The following PLCH2 variants were observed in gnomAD, a reference collection of about 807,000 sequenced individuals.
The protein encoded by PLCH2 is 1-phosphatidylinositol 4,5-bisphosphate phosphodiesterase eta-2.
A neutral mutation model predicts 134.7 loss-of-function variants in PLCH2; 98 were observed. The observed-to-expected ratio is 0.73, with a 90% CI of 0.62 to 0.86. The LOEUF is 0.86. Ranked by LOEUF, PLCH2 falls within the 40% of genes least tolerant of loss-of-function variation. The probability of loss-of-function intolerance (pLI) is 0.00; values close to 1 mark genes in which losing one functional copy is unlikely to be tolerated. For missense variants in PLCH2, 1,994 were observed against 1,986.6 expected, an observed-to-expected ratio of 1.00 and a Z score of -0.07; for synonymous variants, 974 against 827.5, an observed-to-expected ratio of 1.18 and a Z score of -3.04.
In PLCH2 at chr1:2,502,334, G is replaced by C. The variant is rs181993963; in HGVS notation, c.2884G>C (p.Asp962His). 6.5e-7 allele frequency: 1 copy of C among 1,535,640 alleles called. No homozygotes were observed. Among genetic ancestry groups the C allele is most frequent in the Non-Finnish European group, 8.8e-7 (1 of 1,141,744 alleles). Residue 962 changes from aspartate to histidine, a missense_variant, in exon 21 of 22, where the codon GAT becomes CAT. This residue lies in a region of PLCH2 where 900 missense variants were observed against 752.3 expected (regional missense o/e 1.20). Transcript: ENST00000378486. ...RDTGSKGVAD[D>H]VVPPGPGPAP... is the part of the protein sequence containing the mutation. ...CACAGGCTCCAAGGGGGTGGCAGACGATGTGGTGCCCCCCGGGCCCGGACC... is the reference window on the plus strand; with the variant it reads ...CACAGGCTCCAAGGGGGTGGCAGACCATGTGGTGCCCCCCGGGCCCGGACC...
At chr1:2,449,849 C>T (rs1039199542) in intron 2 of PLCH2, among the ~76,000 whole-genome samples, 1 of 152,244 alleles carries the variant, frequency 6.6e-6, no homozygotes, top group Non-Finnish European at 1.5e-5. Flanking sequence ...CGTCCTGCCC[C>T]TGCTCCGTGA....
the PLCH2 span, among the ~76,000 whole-genome samples, chr1:2,420,154 C>T: frequency 6.6e-6 from 1 of 151,872 alleles, no homozygotes; most frequent in East Asian, 1.9e-4. Context: ...CTCAGACAGG[C>T]CCCCCGCCCC....
At chr1:2,494,770 C>A (rs1378111514) in intron 11 of PLCH2, 86 bp from the exon 12 acceptor site, 1 of 973,680 alleles carries the variant, frequency 1.0e-6, no homozygotes, top group Non-Finnish European at 1.6e-6. Context: ...CCAGGAAGGC[C>A]TTCTGGGACC....
At chr1:2,482,747 C>T (rs947892409) in intron 4 of PLCH2, among the ~76,000 whole-genome samples, 5 of 152,176 alleles carry the variant, frequency 3.3e-5, no homozygotes, top group Admixed American at 6.5e-5. Flanking sequence ...CACCCCAGAT[C>T]GTGGCCACGG....
At chr1:2,455,216 G>C (rs1342684833) in intron 2 of PLCH2, among the ~76,000 whole-genome samples, 1 of 152,226 alleles carries the variant, frequency 6.6e-6, no homozygotes, top group Admixed American at 6.5e-5. Context: ...CCTCGGCTGT[G>C]GGAGCTAGGA....
At chr1:2,483,760 C>CAT (rs1642103118) in intron 4 of PLCH2, among the ~76,000 whole-genome samples, 1 of 112,012 alleles carries the variant, frequency 8.9e-6, no homozygotes, top group Admixed American at 9.2e-5. Flanking sequence ...TGTTGACCCC[C>CAT]GTTTGGGGGG....
chr1:2,422,271 A>AAAAC (rs70954602), upstream of PLCH2, among the ~76,000 whole-genome samples: 49,801 of 151,784 alleles, frequency 0.33, 8,348 homozygotes, highest in East Asian at 0.52. Flanking sequence ...TCCACCTCAA[A>AAAAC]AAACAAACAA....
At chr1:2,461,998 C>T (rs1557973010) in intron 2 of PLCH2, among the ~76,000 whole-genome samples, 1 of 151,900 alleles carries the variant, frequency 6.6e-6, no homozygotes, top group South Asian at 2.1e-4. Flanking sequence ...TGGAACTCTG[C>T]CTGCACTGGC....
At chr1:2,463,607 G>A (rs1261850381), upstream of PLCH2, among the ~76,000 whole-genome samples, 5 of 152,206 alleles carry the variant, frequency 3.3e-5, no homozygotes, top group African/African-American at 1.2e-4. Context: ...TCTGCTCCTG[G>A]AGGCTGCTGG....
chr1:2,496,796 G>A (rs1469478385), intron 14 of PLCH2, 32 bp from the exon 15 acceptor site: 1 of 1,610,304 alleles, frequency 6.2e-7, no homozygotes. Flanking sequence ...GTCGAGGACT[G>A]GCAGTCTGAT....
Position 2,504,590 on chromosome 1 carries a change from G to A in PLCH2, c.3628G>A (p.Gly1210Ser). Residue 1210 changes from glycine to serine, a missense_variant, in exon 22 of 22, where the codon GGC becomes AGC. Gly to Ser is a moderately conservative substitution (Grantham distance 56, BLOSUM62 0). This residue lies in a region of PLCH2 where 900 missense variants were observed against 752.3 expected (regional missense o/e 1.20). Transcript: ENST00000378486. Reference sequence around the variant, plus strand: ...ATCCAACCCCAACCTTCGGGCTACAGGCCAGCGGCCTCCCATACCTGACGA... The same window carrying A: ...ATCCAACCCCAACCTTCGGGCTACAAGCCAGCGGCCTCCCATACCTGACGA... ...SKSNPNLRAT[G>S]QRPPIPDELQ... 1 of 1,612,738 alleles carries A rather than the reference G, an allele frequency of 6.2e-7. No individual in the cohort carries two copies. The highest frequency in any genetic ancestry group is 8.5e-7 in the Non-Finnish European group (1 of 1,179,796).
upstream of PLCH2, among the ~76,000 whole-genome samples, chr1:2,466,177 G>A (rs545312931): frequency 8.5e-5 from 13 of 152,302 alleles, no homozygotes; most frequent in African/African-American, 2.6e-4. Context: ...GCTCAGCACC[G>A]GGACCCACTG....
At chr1:2,436,808 C>G (rs868278406) in intron 2 of PLCH2, among the ~76,000 whole-genome samples, 35 of 152,326 alleles carry the variant, frequency 2.3e-4, no homozygotes, top group Middle Eastern at 3.4e-3. Flanking sequence ...CTCCTGGAGT[C>G]TGGTGAAGAG....
chr1:2,431,438 T>G (rs969674440), intron 2 of PLCH2, among the ~76,000 whole-genome samples: 1 of 152,118 alleles, frequency 6.6e-6, no homozygotes, highest in Non-Finnish European at 1.5e-5. Context: ...GTCTTCGCCA[T>G]CTGAGGGTGG....
At chr1:2,445,874 C>G (rs1362335464) in intron 2 of PLCH2, among the ~76,000 whole-genome samples, 1 of 152,224 alleles carries the variant, frequency 6.6e-6, no homozygotes, top group Admixed American at 6.5e-5. Flanking sequence ...GAGCTTCGGA[C>G]CAATTTGTGT....
Position 2,499,739 on chromosome 1 carries a change from C to T in PLCH2, c.2661+19C>T. The T allele has an allele frequency of 6.5e-7, 1 of 1,548,436 alleles. No homozygotes were observed. The highest frequency in any genetic ancestry group is 8.8e-7 in the Non-Finnish European group (1 of 1,141,248). Reference sequence around the variant, plus strand: ...CGGTAAGGTGAGTGTCACCCCCTGCCACCAGCCATCATGGGGAGGGGCCAC... The same window carrying T: ...CGGTAAGGTGAGTGTCACCCCCTGCTACCAGCCATCATGGGGAGGGGCCAC... On this transcript the variant is annotated intron_variant, in intron 20 of 21. Transcript: ENST00000378486.
intron 2 of PLCH2, among the ~76,000 whole-genome samples, chr1:2,431,866 G>A (rs1388760679): frequency 1.3e-5 from 2 of 152,144 alleles, no homozygotes; most frequent in Non-Finnish European, 1.5e-5. Flanking sequence ...GCCTTTCTGG[G>A]AGGCTCCTTC....
chr1:2,479,751 CAGG>C lies in PLCH2; in HGVS notation c.293_295del (p.Glu98del). 3.2e-6 allele frequency: 5 copies of C among 1,546,912 alleles called. No individual in the cohort carries two copies. Among genetic ancestry groups the C allele is most frequent in the Non-Finnish European group, 4.4e-6 (5 of 1,143,650 alleles). ...CCCCGCAGTCTCCATCGACTCCATC[CAGG>C]AGGTGAGTGAGGGGCGGCAGTCGGA... On this transcript the variant is annotated inframe_deletion, in exon 3 of 22. Transcript: ENST00000378486.
At position 2,496,811 on chromosome 1, in the gene PLCH2, G is replaced by A. The variant is rs373920042; in HGVS notation, c.1934-17G>A. 31 of 1,610,684 alleles carry A rather than the reference G, an allele frequency of 1.9e-5. No homozygotes were observed. The highest frequency in any genetic ancestry group is 1.7e-4 in the Middle Eastern group (1 of 6,054). On this transcript the variant is annotated splice_polypyrimidine_tract_variant and intron_variant, in intron 14 of 21. Coordinates refer to ENST00000378486, the MANE Select transcript of PLCH2 (RefSeq NM_014638.4). Reference sequence around the variant, plus strand: ...GTCGAGGACTGGCAGTCTGATGCCCGGTCACCGGCGCCACAGCGGCGTCCA... The same window carrying A: ...GTCGAGGACTGGCAGTCTGATGCCCAGTCACCGGCGCCACAGCGGCGTCCA...
Sources: gnomAD v4.1 joint callset for allele counts (sites outside exome capture counted in the v4.1 genomes callset) on GRCh38, gnomAD v4.1.1 for gene constraint, gnomAD v4.1.1 regional missense constraint, MANE v1.5 for transcripts, NCBI Gene and HGNC (gene_info 2026-07-23, HGNC 2026-07-21) for gene names.